Variants in CHL1 observed in about 807,000 individuals in gnomAD.
CHL1 encodes neural cell adhesion molecule L1-like protein.
CHL1 carries 96 observed loss-of-function variants against 141.9 expected under a neutral mutation model. The ratio of observed to expected loss-of-function variants is 0.68; its 90% confidence interval spans 0.57 to 0.80. The LOEUF (loss-of-function observed/expected upper bound fraction) is 0.80, where lower values mean the gene tolerates loss of function less well. CHL1 is among the 30% of genes least tolerant of loss of function. The probability of loss-of-function intolerance (pLI) is 0.00; values close to 1 mark genes in which losing one functional copy is unlikely to be tolerated. For synonymous variants in CHL1, 613 were observed against 502.2 expected (o/e 1.22, Z -2.95); for missense variants, 1,820 against 1,457.2 (o/e 1.25, Z -4.05).
chr3:368,879 GT>G (rs1705245727), intron 15 of CHL1, among the ~76,000 whole-genome samples: 1 of 152,140 alleles, frequency 6.6e-6, no homozygotes, highest in South Asian at 2.1e-4. Flanking sequence ...CGATTTGTCA[GT>G]TTTGTCAAAG....
At chr3:259,107 G>T (rs997028090) in intron 2 of CHL1, among the ~76,000 whole-genome samples, 1 of 151,146 alleles carries the variant, frequency 6.6e-6, no homozygotes, top group Non-Finnish European at 1.5e-5. Context: ...CTTTTTTTTA[G>T]AGAGAGAATT....
intron 1 of CHL1, among the ~76,000 whole-genome samples, chr3:236,470 C>T (rs966415291): frequency 2.0e-5 from 3 of 152,088 alleles, no homozygotes; most frequent in Non-Finnish European, 4.4e-5. Flanking sequence ...TGGACAGTAG[C>T]AATGAAATGC....
intron 15 of CHL1, among the ~76,000 whole-genome samples, chr3:369,366 GA>G (rs1416703815): frequency 6.6e-6 from 1 of 152,080 alleles, no homozygotes; most frequent in African/African-American, 2.4e-5. Context: ...TAGCAATTGT[GA>G]ATGGGAGTTC....
intron 15 of CHL1, among the ~76,000 whole-genome samples, chr3:369,110 G>GT (rs976747780): frequency 5.9e-5 from 9 of 151,718 alleles, no homozygotes; most frequent in Non-Finnish European, 8.8e-5. Context: ...ATTTAAAGTA[G>GT]TTTTTTTTCT....
chr3:306,372 T>TC (rs1699230223), intron 2 of CHL1, among the ~76,000 whole-genome samples: 1 of 152,138 alleles, frequency 6.6e-6, no homozygotes, highest in Non-Finnish European at 1.5e-5. Flanking sequence ...TACCAACATA[T>TC]CCAAAGCACT....
At chr3:350,788 C>A (rs1386609424) in intron 10 of CHL1, among the ~76,000 whole-genome samples, 1 of 152,066 alleles carries the variant, frequency 6.6e-6, no homozygotes, top group African/African-American at 2.4e-5. Flanking sequence ...TTTGACTTGA[C>A]AAAAGCAAAA....
At chr3:403,699 CA>C (rs1709320830) in intron 27 of CHL1, among the ~76,000 whole-genome samples, 1 of 152,156 alleles carries the variant, frequency 6.6e-6, no homozygotes, top group African/African-American at 2.4e-5. Flanking sequence ...AGATAGCTAA[CA>C]TCTTCCTGTG....
At chr3:219,350 T>C (rs1700622358) in intron 1 of CHL1, among the ~76,000 whole-genome samples, 1 of 152,164 alleles carries the variant, frequency 6.6e-6, no homozygotes, top group Non-Finnish European at 1.5e-5. Flanking sequence ...TATAAATTTT[T>C]ACATTATGTT....
chr3:328,904 T>C (rs1701220466), intron 5 of CHL1, among the ~76,000 whole-genome samples: 1 of 152,146 alleles, frequency 6.6e-6, no homozygotes, highest in Non-Finnish European at 1.5e-5. Context: ...CAACTCCTAC[T>C]CATGTTTTGT....
chr3:218,939 G>A (rs912116594), intron 1 of CHL1, among the ~76,000 whole-genome samples: 1 of 152,126 alleles, frequency 6.6e-6, no homozygotes. Flanking sequence ...GAGGTCAGGA[G>A]ATCGAGACCG....
At chr3:265,186 G>A (rs947180974) in intron 2 of CHL1, among the ~76,000 whole-genome samples, 1 of 152,126 alleles carries the variant, frequency 6.6e-6, no homozygotes, top group Non-Finnish European at 1.5e-5. Flanking sequence ...AACTGCTAAG[G>A]TTCACATTCT....
At chr3:200,888 A>T (rs1207036293) in intron 1 of CHL1, among the ~76,000 whole-genome samples, 1 of 152,168 alleles carries the variant, frequency 6.6e-6, no homozygotes, top group Non-Finnish European at 1.5e-5. Flanking sequence ...CTAATTTGGG[A>T]GGCTGCTTAA....
In CHL1 at chr3:408,869, C is replaced by T. The variant is rs2106454675; in HGVS notation, c.*3158C>T. On this transcript the variant is annotated 3_prime_UTR_variant, in exon 28 of 28. Transcript: ENST00000256509. ...AAGGCATTGATATTTTAGATGCACC[C>T]GTGTTTGTAAAAATGTAGAGCACAA... 1 of 152,070 alleles carries T rather than the reference C, an allele frequency of 6.6e-6. No homozygotes were observed. Among genetic ancestry groups the T allele is most frequent in the South Asian group, 2.1e-4 (1 of 4,812 alleles). 9.4% of individuals were successfully genotyped at this position (152,070 alleles called of 1,614,324 possible). A position where few individuals can be genotyped will look rare whatever the true frequency, so the allele number is the denominator to read the frequency against.
At chr3:344,773 G>A in intron 9 of CHL1, 64 bp downstream of exon 9, 2 of 1,512,632 alleles carry the variant, frequency 1.3e-6, no homozygotes, top group Admixed American at 1.8e-5. Flanking sequence ...AAGACATCAA[G>A]CACATTAAGA....
At chr3:366,769 A>T (rs1575179520) in intron 15 of CHL1, among the ~76,000 whole-genome samples, 1 of 151,526 alleles carries the variant, frequency 6.6e-6, no homozygotes, top group East Asian at 1.9e-4. Flanking sequence ...AAAGCACTGC[A>T]GCTGCAATCC....
intron 1 of CHL1, among the ~76,000 whole-genome samples, chr3:214,778 A>G (rs928752738): frequency 4.6e-5 from 7 of 152,204 alleles, no homozygotes; most frequent in Non-Finnish European, 1.0e-4. Context: ...AATAGGAATA[A>G]GTCCTCATGT....
intron 3 of CHL1, among the ~76,000 whole-genome samples, chr3:324,270 T>TAA (rs1700825848): frequency 6.6e-6 from 1 of 152,138 alleles, no homozygotes; most frequent in Admixed American, 6.6e-5. Context: ...GAATAGTACT[T>TAA]ATTTAAGTTA....
rs1707134273 is a variant in CHL1, at chr3:382,227, G to C, written c.1925G>C (p.Arg642Thr). Reference protein sequence around the residue: ...ENLHLSERQNRSVRLTWEAGA... With the variant: ...ENLHLSERQNTSVRLTWEAGA... ...CTTCACTTGTCTGAAAGACAGAACA[G>C]GAGTGTTCGGCTGACCTGGGAAGCT... The change falls in exon 17 of 28, where the codon AGG becomes ACG. Residue 642 changes from arginine (R) to threonine (T), a missense_variant. Coordinates refer to ENST00000256509, the MANE Select transcript of CHL1 (RefSeq NM_006614.4). 1 of 1,613,818 alleles carries C rather than the reference G, an allele frequency of 6.2e-7. No homozygotes were observed. The highest frequency in any genetic ancestry group is 2.2e-5 in the East Asian group (1 of 44,880).
At chr3:204,659 T>C (rs992858792) in intron 1 of CHL1, among the ~76,000 whole-genome samples, 2 of 152,196 alleles carry the variant, frequency 1.3e-5, no homozygotes, top group Non-Finnish European at 2.9e-5. Flanking sequence ...TGGGATGCCT[T>C]ACATATTGGT....
Sources: gnomAD v4.1 joint callset for allele counts (sites outside exome capture counted in the v4.1 genomes callset) on GRCh38, gnomAD v4.1.1 for gene constraint, MANE v1.5 for transcripts, NCBI Gene and HGNC (gene_info 2026-07-23, HGNC 2026-07-21) for gene names.